The following ZNF107 variants were observed in gnomAD, a reference collection of about 807,000 sequenced individuals.
ZNF107 encodes C2H2 type zinc-finger protein.
In ZNF107, 19 loss-of-function variants were observed where a neutral mutation model predicts 12.3. The ratio of observed to expected loss-of-function variants is 1.55; its 90% CI spans 1.08 to 2.27. ZNF107 has a LOEUF of 2.27. ZNF107 is among the 30% of genes most tolerant of loss of function. The probability of loss-of-function intolerance (pLI) is 0.00; values close to 1 mark genes in which losing one functional copy is unlikely to be tolerated. For missense variants in ZNF107, 958 were observed against 979.9 expected, an observed-to-expected ratio of 0.98 and a Z score of 0.30; for synonymous variants, 317 against 330.5, an observed-to-expected ratio of 0.96 and a Z score of 0.44.
At chr7:64,670,077 T>C (rs1789164681) in intron 1 of ZNF107, among the ~76,000 whole-genome samples, 1 of 152,198 alleles carries the variant, frequency 6.6e-6, no homozygotes, top group Non-Finnish European at 1.5e-5. Context: ...CACAGGCAGA[T>C]GCAGTTAACG....
intron 3 of ZNF107, among the ~76,000 whole-genome samples, chr7:64,700,214 A>G (rs560446647): frequency 6.2e-4 from 94 of 152,220 alleles, no homozygotes; most frequent in Non-Finnish European, 1.1e-3. Context: ...TGGATGTAAA[A>G]CCTGGTGGCA....
chr7:64,702,410 C>T (rs1253593670), intron 3 of ZNF107, among the ~76,000 whole-genome samples: 5 of 152,148 alleles, frequency 3.3e-5, no homozygotes, highest in African/African-American at 9.6e-5. Flanking sequence ...GCTGGGATTA[C>T]AGGCGTGAGC....
Position 64,708,130 on chromosome 7 carries a change from A to G in ZNF107, c.2033A>G (p.Lys678Arg). 2.5e-6 allele frequency: 4 copies of G among 1,611,938 alleles called. No homozygotes were observed. The highest frequency in any genetic ancestry group is 2.5e-6 in the Non-Finnish European group (3 of 1,179,396). ...KIIYTGEKPH[K>R]CEECGKAYNR... ...ATTTATACTGGAGAGAAACCCCACA[A>G]ATGTGAAGAATGTGGAAAAGCTTAT... The change falls in exon 4 of 4, where the codon AAA (lysine) becomes AGA (arginine). Residue 678 changes from lysine to arginine, a missense_variant. Coordinates refer to ENST00000620827, the MANE Select transcript of ZNF107 (RefSeq NM_001282359.2).
At position 64,687,390 on chromosome 7, in the gene ZNF107, C is replaced by T. The variant is rs140460125; in HGVS notation, c.4-3858C>T. 77 of 985,408 alleles carry T rather than the reference C, an allele frequency of 7.8e-5. No individual in the cohort carries two copies. The East Asian group carries it at 8.3e-3, about 106-fold the overall frequency. The allele number at this position is 985,408 out of a possible 1,614,324, so 61.0% of individuals were successfully genotyped here. Reference sequence around the variant, plus strand: ...ACCCAGGAGGCCTGCAGGCTCTCCTCCTGCAACTCAGGCTTCATTCTCTGA... The same window carrying T: ...ACCCAGGAGGCCTGCAGGCTCTCCTTCTGCAACTCAGGCTTCATTCTCTGA... On this transcript the variant is annotated intron_variant, in intron 1 of 3. Transcript: ENST00000620827.
chr7:64,689,148 G>A (rs1300945186), intron 1 of ZNF107, among the ~76,000 whole-genome samples: 1 of 152,066 alleles, frequency 6.6e-6, no homozygotes, highest in Admixed American at 6.5e-5. Flanking sequence ...GAATGTGCTA[G>A]AGCAGCCTCT....
At position 64,688,257 on chromosome 7, in the gene ZNF107, C is replaced by CTTT. The variant is rs36082192; in HGVS notation, c.4-2976_4-2974dup. Among the ~76,000 whole-genome samples, 30 of 133,284 alleles carry CTTT rather than the reference C, an allele frequency of 2.3e-4. 1 individual carries two copies. Among genetic ancestry groups the CTTT allele is most frequent in the East Asian group, 4.4e-4 (2 of 4,560 alleles). 87.4% of individuals were successfully genotyped at this position (133,284 alleles called of 152,430 possible). A position where few individuals can be genotyped will look rare whatever the true frequency, so the allele number is the denominator to read the frequency against. ...TCTCCATATTTTTTCCCTTCCTCCT[C>CTTT]TTTTTTTTTTTTTTTTTGACATGGG... On this transcript the variant is annotated intron_variant, in intron 1 of 3. Coordinates refer to ENST00000620827, the MANE Select transcript of ZNF107 (RefSeq NM_001282359.2).
At chr7:64,686,289 C>T (rs1490656417) in intron 1 of ZNF107, among the ~76,000 whole-genome samples, 1 of 152,160 alleles carries the variant, frequency 6.6e-6, no homozygotes, top group Non-Finnish European at 1.5e-5. Flanking sequence ...TGGCTTCTCC[C>T]TATAGCTGGG....
chr7:64,694,987 A>G (rs1427703329), intron 3 of ZNF107, among the ~76,000 whole-genome samples: 1 of 152,056 alleles, frequency 6.6e-6, no homozygotes. Flanking sequence ...TCTTCAGCCT[A>G]TATCTAAATA....
rs1402428005 is a variant in ZNF107, at chr7:64,709,770, A to G, written c.*1114A>G. On this transcript the variant is annotated 3_prime_UTR_variant, in exon 4 of 4. Transcript: ENST00000620827. ...CTCAACATTAGAGAGTTAGTACGTAATAAAAGCATTATAAATGCAATTTTT... is the reference window on the plus strand; with the variant it reads ...CTCAACATTAGAGAGTTAGTACGTAGTAAAAGCATTATAAATGCAATTTTT... The G allele has an allele frequency of 6.6e-6, 3 of 451,676 alleles. No homozygotes were observed. Among genetic ancestry groups the G allele is most frequent in the South Asian group, 1.6e-5 (1 of 63,260 alleles). 28.0% of individuals were successfully genotyped at this position (451,676 alleles called of 1,614,324 possible). A position where few individuals can be genotyped will look rare whatever the true frequency, so the allele number is the denominator to read the frequency against.
At chr7:64,696,076 T>A (rs1431150783) in intron 3 of ZNF107, among the ~76,000 whole-genome samples, 1 of 152,010 alleles carries the variant, frequency 6.6e-6, no homozygotes, top group Admixed American at 6.5e-5. Flanking sequence ...AATTTTTTTT[T>A]TTTTTAGATG....
intron 1 of ZNF107, 145 bp from the exon 2 acceptor site, chr7:64,691,103 A>T: frequency 1.3e-6 from 1 of 745,898 alleles, no homozygotes; most frequent in Non-Finnish European, 1.7e-6. Flanking sequence ...CAATCTCTTG[A>T]CCTCGTGATT....
At chr7:64,679,137 A>G in intron 1 of ZNF107, 1 of 980,328 alleles carries the variant, frequency 1.0e-6, no homozygotes, top group Non-Finnish European at 1.2e-6. Flanking sequence ...CTTGGGTGCG[A>G]GCTCACACGA....
intron 1 of ZNF107, among the ~76,000 whole-genome samples, chr7:64,680,854 C>A (rs1467087346): frequency 6.6e-6 from 1 of 152,194 alleles, no homozygotes; most frequent in East Asian, 1.9e-4. Context: ...ATTACAGATG[C>A]TTGCCTCCGC....
At chr7:64,669,518 G>A (rs113140543) in intron 1 of ZNF107, among the ~76,000 whole-genome samples, 1 of 152,186 alleles carries the variant, frequency 6.6e-6, no homozygotes, top group South Asian at 2.1e-4. Context: ...CCTTGGTTGG[G>A]TGCAGTGGCT....
Position 64,707,680 on chromosome 7 carries a change from A to G in ZNF107, c.1583A>G (p.Lys528Arg), listed in dbSNP as rs1163102977. 2 of 1,612,772 alleles carry G rather than the reference A, an allele frequency of 1.2e-6. No individual in the cohort carries two copies. Among genetic ancestry groups the G allele is most frequent in the African/African-American group, 2.7e-5 (2 of 74,888 alleles). ...CAGTCTTCAAACCTTACTGAACATA[A>G]GAAAATTCATACTGGAGAGAAACCC... ...FSQSSNLTEH[K>R]KIHTGEKPYK... The change falls in exon 4 of 4, where the codon AAG (lysine) becomes AGG (arginine). Residue 528 changes from lysine (K) to arginine (R), a missense_variant. By Grantham distance (26) the Lys-to-Arg change is conservative. Coordinates refer to ENST00000620827, the MANE Select transcript of ZNF107 (RefSeq NM_001282359.2).
At chr7:64,691,712 C>T (rs1790124402) in intron 2 of ZNF107, among the ~76,000 whole-genome samples, 153 bp from the exon 3 acceptor site, 1 of 152,012 alleles carries the variant, frequency 6.6e-6, no homozygotes, top group African/African-American at 2.4e-5. Flanking sequence ...AAATTTAAAA[C>T]CTACACATTT....
At chr7:64,691,444 T>A in intron 2 of ZNF107, 70 bp downstream of exon 2, 3 of 1,278,556 alleles carry the variant, frequency 2.3e-6, no homozygotes, top group Non-Finnish European at 3.0e-6. Flanking sequence ...CTGTAGACTG[T>A]TTTCTGGTAA....
intron 3 of ZNF107, among the ~76,000 whole-genome samples, chr7:64,695,636 A>G (rs931423462): frequency 2.4e-4 from 37 of 152,174 alleles, no homozygotes; most frequent in African/African-American, 8.4e-4. Context: ...ATCAGATTAT[A>G]TATGTGCGTG....
At chr7:64,687,273 A>G (rs1326361582) in intron 1 of ZNF107, 1 of 985,756 alleles carries the variant, frequency 1.0e-6, no homozygotes, top group African/African-American at 1.7e-5. Context: ...CATGCTGGAA[A>G]TCCAGCAGAG....
Sources: allele counts gnomAD v4.1 joint callset (sites outside exome capture counted in the v4.1 genomes callset), GRCh38; gene constraint gnomAD v4.1.1; transcripts MANE v1.5; gene names NCBI Gene and HGNC (gene_info 2026-07-23, HGNC 2026-07-21).